SLC9B1: variants seen among roughly 807,000 people sequenced by gnomAD.
The protein encoded by SLC9B1 is solute carrier family 9 member B1, also known as sodium/hydrogen exchanger 9B1.
SLC9B1 carries 32 observed loss-of-function variants against 51.7 expected under a neutral mutation model. The observed-to-expected ratio is 0.62, with a 90% CI of 0.47 to 0.83. SLC9B1 has a LOEUF of 0.83. Ranked by LOEUF, SLC9B1 falls within the 40% of genes least tolerant of loss-of-function variation. The probability of loss-of-function intolerance (pLI) is 0.00; values close to 1 mark genes in which losing one functional copy is unlikely to be tolerated. For missense variants in SLC9B1, 406 were observed against 613.2 expected (o/e 0.66, Z 3.57); for synonymous variants, 145 against 212.7 (o/e 0.68, Z 2.77).
intron 6 of SLC9B1, among the ~76,000 whole-genome samples, chr4:102,936,103 G>GAAAGT (rs1736711140): frequency 8.5e-5 from 13 of 152,318 alleles, no homozygotes; most frequent in Non-Finnish European, 1.8e-4. Flanking sequence ...TGTGGGTATG[G>GAAAGT]TACCAGCCCT....
In SLC9B1 at chr4:103,006,505, G is replaced by A. The variant is rs367553712; in HGVS notation, c.-2+13094C>T. 1.0e-3 allele frequency among the ~76,000 whole-genome samples: 154 copies of A among 152,180 alleles called. 1 individual carries two copies. Among genetic ancestry groups the A allele is most frequent in the African/African-American group, 3.6e-3 (150 of 41,554 alleles). On this transcript the variant is annotated intron_variant, in intron 1 of 11. Transcript: ENST00000296422. ...TCTGAAATTGAATCAGTAATAAAAA[G>A]GTTACCAACTAGAAAAAGCCCAGGA...
chr4:102,984,787 T>C (rs754821745), intron 3 of SLC9B1, among the ~76,000 whole-genome samples: 2 of 152,224 alleles, frequency 1.3e-5, no homozygotes, highest in Non-Finnish European at 2.9e-5. Context: ...GATAGACAGG[T>C]GTTAAAGTTC....
At chr4:102,957,171 A>G (rs1737853605) in intron 3 of SLC9B1, among the ~76,000 whole-genome samples, 1 of 152,210 alleles carries the variant, frequency 6.6e-6, no homozygotes, top group South Asian at 2.1e-4. Flanking sequence ...ACAGATCCTC[A>G]GAAACTTATG....
At chr4:102,893,479 A>G (rs1734375699) in intron 11 of SLC9B1, among the ~76,000 whole-genome samples, 1 of 152,256 alleles carries the variant, frequency 6.6e-6, no homozygotes, top group Non-Finnish European at 1.5e-5. Context: ...ATGTAAAGTG[A>G]TTTTTTAAAA....
rs75975532 is a variant in SLC9B1 at position 103,007,907 on chromosome 4, G to T, written c.-2+11692C>A. On this transcript the variant is annotated intron_variant, in intron 1 of 11. Transcript: ENST00000296422. Reference sequence around the variant, plus strand: ...CTATCTGTTTTTCTTCATATTCACAGCTAGGGAAAGCAGAATCACATTTGA... The same window carrying T: ...CTATCTGTTTTTCTTCATATTCACATCTAGGGAAAGCAGAATCACATTTGA... Among the ~76,000 whole-genome samples, 10 of 152,194 alleles carry T rather than the reference G, an allele frequency of 6.6e-5. No homozygotes were observed. In the East Asian group the frequency reaches 1.9e-3, roughly 29 times the overall value.
At chr4:103,006,445 A>G (rs925617107) in intron 1 of SLC9B1, among the ~76,000 whole-genome samples, 2 of 152,158 alleles carry the variant, frequency 1.3e-5, no homozygotes, top group African/African-American at 4.8e-5. Flanking sequence ...TTGAACCAGG[A>G]AGAAATTAAA....
chr4:102,956,349 G>C (rs1434769636), intron 3 of SLC9B1, among the ~76,000 whole-genome samples: 3 of 150,940 alleles, frequency 2.0e-5, no homozygotes, highest in South Asian at 2.1e-4. Context: ...CTGGAAAGGA[G>C]AGAATAATAG....
intron 7 of SLC9B1, among the ~76,000 whole-genome samples, chr4:102,928,702 C>T (rs1166334324): frequency 6.6e-6 from 1 of 151,918 alleles, no homozygotes; most frequent in Non-Finnish European, 1.5e-5. Context: ...TGAATCACAC[C>T]ATCACAAAGT....
intron 11 of SLC9B1, chr4:102,885,334 A>C: frequency 6.2e-7 from 1 of 1,614,116 alleles, no homozygotes; most frequent in Non-Finnish European, 8.5e-7. Context: ...TTAATCTTAA[A>C]ATACAAAAGG....
rs571042825 is a variant in SLC9B1, at chr4:102,913,190, A to G, written c.830-1653T>C. Among the ~76,000 whole-genome samples, 16 of 152,198 alleles carry G rather than the reference A, an allele frequency of 1.1e-4. No individual in the cohort carries two copies. In the South Asian group the frequency reaches 2.9e-3, roughly 28 times the overall value. ...GGGAAAGAGAAGACTGGAACGGAAT[A>G]GTTTTATGAGGTTACCTGAAGCTCT... On this transcript the variant is annotated intron_variant, in intron 7 of 11. Transcript: ENST00000296422.
At chr4:102,921,301 C>T (rs536638918) in intron 7 of SLC9B1, among the ~76,000 whole-genome samples, 2 of 152,138 alleles carry the variant, frequency 1.3e-5, no homozygotes, top group Non-Finnish European at 2.9e-5. Context: ...ATTTCATATC[C>T]AGCCAAACTA....
rs1393999137 is a variant in SLC9B1 at position 102,885,106 on chromosome 4, AG to A, written c.*126del. ...TCACAGTTTTATGGATCCATTAAAA[AG>A]GAATTAATGTAAAAAGTAACAAAGA... is the stretch of plus-strand genomic sequence containing the variant. On this transcript the variant is annotated 3_prime_UTR_variant, in exon 12 of 12. Coordinates refer to the SLC9B1 transcript ENST00000394789. The A allele has an allele frequency of 1.1e-4, 98 of 872,924 alleles. 1 individual carries two copies. The Middle Eastern group carries it at 6.1e-3, about 54-fold the overall frequency. 54.1% of individuals were successfully genotyped at this position (872,924 alleles called of 1,614,324 possible). A position where few individuals can be genotyped will look rare whatever the true frequency, so the allele number is the denominator to read the frequency against.
intron 3 of SLC9B1, among the ~76,000 whole-genome samples, chr4:102,955,885 G>GAA (rs1390215133): frequency 1.4e-5 from 2 of 143,812 alleles, no homozygotes; most frequent in Non-Finnish European, 3.0e-5. Context: ...AAGAAAGAAA[G>GAA]AAAGAAAGAA....
intron 11 of SLC9B1, chr4:102,887,255 C>T (rs1343494780): frequency 1.3e-6 from 1 of 796,376 alleles, no homozygotes; most frequent in Non-Finnish European, 2.1e-6. Context: ...AAGTGATATG[C>T]TTTCTTTCTG....
At chr4:102,955,903 G>GAGAAAGAAAGAAAGAA (rs1737787969) in intron 3 of SLC9B1, among the ~76,000 whole-genome samples, 4 of 81,924 alleles carry the variant, frequency 4.9e-5, no homozygotes, top group African/African-American at 2.4e-4. Context: ...GAAAGAAAGA[G>GAGAAAGAAAGAAAGAA]AGAGAAAGAC....
chr4:102,945,470 C>T (rs1480203674), intron 5 of SLC9B1, 150 bp from the exon 6 acceptor site: 3 of 672,336 alleles, frequency 4.5e-6, no homozygotes, highest in African/African-American at 1.9e-5. Context: ...GGACTTTGAA[C>T]TCTATTACAT....
intron 11 of SLC9B1, chr4:102,892,931 A>G (rs1734323191): frequency 6.6e-6 from 1 of 152,198 alleles, no homozygotes; most frequent in Admixed American, 6.5e-5. Context: ...CACAAGTACA[A>G]TCTTCAACCC....
chr4:102,984,251 G>C (rs1578400773), intron 3 of SLC9B1, among the ~76,000 whole-genome samples: 1 of 152,054 alleles, frequency 6.6e-6, no homozygotes, highest in Admixed American at 6.6e-5. Context: ...AAGTAGCTGA[G>C]ACTACAGGCA....
intron 11 of SLC9B1, chr4:102,891,073 G>GT (rs1734224883): frequency 6.6e-6 from 1 of 151,138 alleles, no homozygotes; most frequent in African/African-American, 2.5e-5. Context: ...AGGAAATGAT[G>GT]TATGTGTTTA....
Sources: gnomAD v4.1 joint callset for allele counts (sites outside exome capture counted in the v4.1 genomes callset) on GRCh38, gnomAD v4.1.1 for gene constraint, MANE v1.5 for transcripts, NCBI Gene and HGNC (gene_info 2026-07-23, HGNC 2026-07-21) for gene names.